Variants in CADM1 observed in about 807,000 individuals in gnomAD.
CADM1 encodes the protein TSLC-1.
In CADM1, 15 loss-of-function variants were observed where a neutral mutation model predicts 53.1. The observed-to-expected ratio is 0.28, with a 90% CI of 0.19 to 0.44. The LOEUF is 0.44. Among genes scored for constraint, CADM1 ranks in the 20% least tolerant of loss-of-function variants. The pLI is 1.00. For missense variants in CADM1, 434 were observed against 611.3 expected (o/e 0.71, Z 3.06); for synonymous variants, 281 against 243.0 (o/e 1.16, Z -1.45).
At chr11:115,319,749 C>T (rs1299054926) in intron 1 of CADM1, among the ~76,000 whole-genome samples, 1 of 151,172 alleles carries the variant, frequency 6.6e-6, no homozygotes, top group African/African-American at 2.4e-5. Context: ...TATGTACATC[C>T]TGACAGATGT....
chr11:115,431,200 G>A (rs1181081015), intron 1 of CADM1, among the ~76,000 whole-genome samples: 1 of 152,100 alleles, frequency 6.6e-6, no homozygotes, highest in African/African-American at 2.4e-5. Context: ...CTTTGAAGAC[G>A]CAAAATAAGG....
chr11:115,323,318 G>C (rs1329466784), intron 1 of CADM1, among the ~76,000 whole-genome samples: 2 of 152,106 alleles, frequency 1.3e-5, no homozygotes, highest in African/African-American at 4.8e-5. Context: ...TAATCTTCCA[G>C]CACTGTGTGA....
At chr11:115,442,579 G>C (rs1460845065) in intron 1 of CADM1, among the ~76,000 whole-genome samples, 1 of 152,196 alleles carries the variant, frequency 6.6e-6, no homozygotes, top group Non-Finnish European at 1.5e-5. Context: ...ATTTATGACA[G>C]ATCGGCAATT....
At chr11:115,439,254 A>C (rs1948254122) in intron 1 of CADM1, among the ~76,000 whole-genome samples, 1 of 152,192 alleles carries the variant, frequency 6.6e-6, no homozygotes, top group African/African-American at 2.4e-5. Context: ...CAAAGATAAT[A>C]TTATGGACAT....
In CADM1 at chr11:115,176,576, A is replaced by G. The variant is rs1565278284; in HGVS notation, c.1314T>C (p.His438=). 6.2e-7 allele frequency: 1 copy of G among 1,613,948 alleles called. No individual in the cohort carries two copies. Among genetic ancestry groups the G allele is most frequent in the Non-Finnish European group, 8.5e-7 (1 of 1,179,920 alleles). The change falls in exon 12 of 12, where the codon CAT becomes CAC. Residue 438 remains histidine, a synonymous_variant. Transcript: ENST00000331581. ...FARHKGTYFT[H]EAKGADDAAD... is the part of the protein sequence containing the mutation. ...CTGCGTCATCGGCTCCTTTGGCTTC[A>G]TGAGTGAAGTATGTACCTGAAAGAT... is the stretch of plus-strand genomic sequence containing the variant.
intron 1 of CADM1, among the ~76,000 whole-genome samples, chr11:115,501,557 AC>A (rs780995556): frequency 7.2e-4 from 110 of 152,276 alleles, no homozygotes; most frequent in Non-Finnish European, 1.4e-3. Flanking sequence ...GCTTAAGCAA[AC>A]CCATTTTTAC....
chr11:115,202,884 A>G (rs1470370956), intron 8 of CADM1, among the ~76,000 whole-genome samples: 1 of 150,934 alleles, frequency 6.6e-6, no homozygotes, highest in Non-Finnish European at 1.5e-5. Flanking sequence ...ATGTTATTTG[A>G]ACTCGATCGA....
chr11:115,334,149 GGCAAGGAACAATGTTTACTCT>G (rs746029162), intron 1 of CADM1, among the ~76,000 whole-genome samples: 118 of 152,254 alleles, frequency 7.8e-4, no homozygotes, highest in Non-Finnish European at 1.5e-3. Flanking sequence ...GAAAGCAGAA[GGCAAGGAACAATGTTTACTCT>G]GCATGTTTGT....
chr11:115,400,637 A>ATG lies in CADM1; in HGVS notation c.124+103633_124+103634insCA, dbSNP rs1166167079. ...TATCTTTTATATATATGTATCATAT[A>ATG]TATGTGTGTGTGTGTGTGTGTGTGT... On this transcript the variant is annotated intron_variant, in intron 1 of 11. Coordinates refer to ENST00000331581, the MANE Select transcript of CADM1 (RefSeq NM_001301043.2). Among the ~76,000 whole-genome samples, 54 of 85,964 alleles carry ATG rather than the reference A, an allele frequency of 6.3e-4. 1 individual carries two copies. The highest frequency in any genetic ancestry group is 2.1e-3 in the African/African-American group (50 of 23,872). The allele number at this position is 85,964 out of a possible 152,430, so 56.4% of individuals were successfully genotyped here.
At chr11:115,237,911 C>A (rs1942066817) in intron 3 of CADM1, among the ~76,000 whole-genome samples, 1 of 152,190 alleles carries the variant, frequency 6.6e-6, no homozygotes, top group African/African-American at 2.4e-5. Context: ...CAGTTCTTTG[C>A]TTATTACCAG....
Position 115,328,240 on chromosome 11 carries a change from G to A in CADM1, c.125-87820C>T, listed in dbSNP as rs79433132. Among the ~76,000 whole-genome samples the A allele has an allele frequency of 2.8e-4, 43 of 151,764 alleles. No individual in the cohort carries two copies. The East Asian group carries it at 6.3e-3, about 22-fold the overall frequency. On this transcript the variant is annotated intron_variant, in intron 1 of 11. Coordinates refer to ENST00000331581, the MANE Select transcript of CADM1 (RefSeq NM_001301043.2). ...GGCCTAAAACTTAGGACTTATTTACGTCTCTTCTGATTTCTGCCTTCCCCA... is the reference window on the plus strand; with the variant it reads ...GGCCTAAAACTTAGGACTTATTTACATCTCTTCTGATTTCTGCCTTCCCCA...
chr11:115,438,704 C>T (rs1948238917), intron 1 of CADM1, among the ~76,000 whole-genome samples: 1 of 150,796 alleles, frequency 6.6e-6, no homozygotes, highest in Admixed American at 6.6e-5. Context: ...AGAACTTTTA[C>T]ATAATATGGT....
At chr11:115,497,219 C>T (rs559048869) in intron 1 of CADM1, among the ~76,000 whole-genome samples, 1 of 152,324 alleles carries the variant, frequency 6.6e-6, no homozygotes, top group Non-Finnish European at 1.5e-5. Context: ...AAATATATAT[C>T]ACAGCACTTT....
chr11:115,300,248 G>A (rs184877524), intron 1 of CADM1, among the ~76,000 whole-genome samples: 76 of 152,190 alleles, frequency 5.0e-4, no homozygotes, highest in African/African-American at 1.7e-3. Flanking sequence ...GGGCTCCTGC[G>A]TCTAAATTAT....
At chr11:115,306,768 C>T (rs571269950) in intron 1 of CADM1, among the ~76,000 whole-genome samples, 1 of 152,112 alleles carries the variant, frequency 6.6e-6, no homozygotes, top group East Asian at 1.9e-4. Flanking sequence ...TTCTGGAAAG[C>T]TCTTTGATAA....
chr11:115,248,519 A>T (rs964474849), intron 1 of CADM1, among the ~76,000 whole-genome samples: 3 of 152,248 alleles, frequency 2.0e-5, no homozygotes, highest in Non-Finnish European at 4.4e-5. Flanking sequence ...TAGCTTTTCC[A>T]TTAAAATTCA....
At chr11:115,264,228 C>T (rs1943062689) in intron 1 of CADM1, among the ~76,000 whole-genome samples, 1 of 152,180 alleles carries the variant, frequency 6.6e-6, no homozygotes, top group African/African-American at 2.4e-5. Context: ...GGAGGAGACC[C>T]TGATGAATTG....
intron 1 of CADM1, among the ~76,000 whole-genome samples, chr11:115,500,404 A>C (rs1949704612): frequency 6.6e-6 from 1 of 152,246 alleles, no homozygotes; most frequent in African/African-American, 2.4e-5. Context: ...GAGACAGTTT[A>C]TATTCATAGC....
intron 1 of CADM1, among the ~76,000 whole-genome samples, chr11:115,458,082 T>C (rs1948716996): frequency 6.6e-6 from 1 of 151,520 alleles, no homozygotes; most frequent in Non-Finnish European, 1.5e-5. Flanking sequence ...GTCTCAGCTG[T>C]GGAAGCAATA....
Sources: allele counts gnomAD v4.1 joint callset (sites outside exome capture counted in the v4.1 genomes callset), GRCh38; gene constraint gnomAD v4.1.1; transcripts MANE v1.5; gene names NCBI Gene and HGNC (gene_info 2026-07-23, HGNC 2026-07-21).